Variants in FGD5 observed in about 807,000 individuals in gnomAD.
FGD5 encodes FYVE, RhoGEF and PH domain containing 5, also known as FYVE, RhoGEF and PH domain-containing protein 5.
A neutral mutation model predicts 133.4 loss-of-function variants in FGD5; 28 were observed. That is an observed-to-expected ratio of 0.21 (90% CI 0.16 to 0.29). The LOEUF (loss-of-function observed/expected upper bound fraction) is 0.29. Among genes scored for constraint, FGD5 ranks in the 10% least tolerant of loss-of-function variants. The probability of loss-of-function intolerance (pLI) is 1.00; values close to 1 mark genes in which losing one functional copy is unlikely to be tolerated. For synonymous variants in FGD5, 810 were observed against 776.5 expected, an observed-to-expected ratio of 1.04 and a Z score of -0.72; for missense variants, 1,858 against 1,895.2, an observed-to-expected ratio of 0.98 and a Z score of 0.36.
chr3:14,931,403 G>A (rs565112088), intron 18 of FGD5: 1 of 152,174 alleles, frequency 6.6e-6, no homozygotes, highest in Non-Finnish European at 1.5e-5. Context: ...TGTCCAGGCT[G>A]GACTCAAATT....
chr3:14,854,998 C>T (rs1452592551), intron 1 of FGD5, among the ~76,000 whole-genome samples: 3 of 152,176 alleles, frequency 2.0e-5, no homozygotes, highest in South Asian at 2.1e-4. Flanking sequence ...TTACAGATCT[C>T]TCCCTATCCT....
chr3:14,819,010 C>T lies in FGD5; in HGVS notation c.-62C>T, dbSNP rs1168277338. ...CCAAAGACTACCAGTCCACTGACGC[C>T]AGTGACCGCGCCCAAATTCCCTTCC... is the stretch of plus-strand genomic sequence containing the variant. On this transcript the variant is annotated 5_prime_UTR_variant, in exon 1 of 20. Coordinates refer to ENST00000285046, the MANE Select transcript of FGD5 (RefSeq NM_152536.4). The surrounding 1 kb of genome is among the most constrained non-coding windows in gnomAD (Gnocchi z 4.1). 4 of 1,481,960 alleles carry T rather than the reference C, an allele frequency of 2.7e-6. No individual in the cohort carries two copies. Among genetic ancestry groups the T allele is most frequent in the Non-Finnish European group, 2.7e-6 (3 of 1,114,784 alleles). 91.8% of individuals were successfully genotyped at this position (1,481,960 alleles called of 1,614,324 possible).
chr3:14,858,355 G>GTGGGTGGGTGGA (rs57012067), intron 1 of FGD5, among the ~76,000 whole-genome samples: 10 of 130,982 alleles, frequency 7.6e-5, no homozygotes, highest in Admixed American at 3.2e-4. Context: ...GGGTGGGTGG[G>GTGGGTGGGTGGA]TGGATGGATG....
At chr3:14,926,658 A>G (rs1257637174) in intron 18 of FGD5, among the ~76,000 whole-genome samples, 1 of 152,212 alleles carries the variant, frequency 6.6e-6, no homozygotes, top group African/African-American at 2.4e-5. Flanking sequence ...TGAAATCTAT[A>G]TTTTATAGAA....
chr3:14,842,142 C>T (rs1342925331), intron 1 of FGD5, among the ~76,000 whole-genome samples: 3 of 152,242 alleles, frequency 2.0e-5, no homozygotes, highest in Non-Finnish European at 4.4e-5. Context: ...GGCCCTTCTA[C>T]CATTTCCCTC....
At chr3:14,882,089 T>G (rs1160819048) in intron 4 of FGD5, among the ~76,000 whole-genome samples, 1 of 152,198 alleles carries the variant, frequency 6.6e-6, no homozygotes, top group African/African-American at 2.4e-5. Flanking sequence ...GAAAGCCTTG[T>G]GTGCACTCTT....
intron 1 of FGD5, among the ~76,000 whole-genome samples, chr3:14,833,056 A>G (rs2125078711): frequency 6.6e-6 from 1 of 152,292 alleles, no homozygotes; most frequent in Admixed American, 6.5e-5. Flanking sequence ...CGACGAATTA[A>G]TGTGTTTCAT....
At chr3:14,859,634 C>T (rs1349976897) in intron 1 of FGD5, among the ~76,000 whole-genome samples, 2 of 152,076 alleles carry the variant, frequency 1.3e-5, no homozygotes, top group Non-Finnish European at 2.9e-5. Context: ...AAAGGTTACT[C>T]TTATTTTGAA....
At chr3:14,914,954 T>C (rs2038523342) in intron 11 of FGD5, among the ~76,000 whole-genome samples, 1 of 152,242 alleles carries the variant, frequency 6.6e-6, no homozygotes. Flanking sequence ...AGAACAGGGC[T>C]TCACAAACTA....
At chr3:14,866,666 A>G (rs1162909663) in intron 2 of FGD5, among the ~76,000 whole-genome samples, 1 of 152,254 alleles carries the variant, frequency 6.6e-6, no homozygotes, top group African/African-American at 2.4e-5. Flanking sequence ...GAGAACTAGA[A>G]CAATGCATGC....
At chr3:14,920,958 C>T (rs73031909) in intron 13 of FGD5, among the ~76,000 whole-genome samples, 11,058 of 152,216 alleles carry the variant, frequency 0.073, 1,127 homozygotes, top group African/African-American at 0.23. Flanking sequence ...GGGTGGGGGT[C>T]GTGGCCTCAC....
intron 18 of FGD5, among the ~76,000 whole-genome samples, chr3:14,927,690 G>A (rs12491077): frequency 0.1 from 15,970 of 152,172 alleles, 1,026 homozygotes; most frequent in East Asian, 0.18. Context: ...CAGAGCTGAT[G>A]CAACTTGCTA....
At chr3:14,911,286 C>T (rs1251749524) in intron 11 of FGD5, among the ~76,000 whole-genome samples, 1 of 152,144 alleles carries the variant, frequency 6.6e-6, no homozygotes, top group African/African-American at 2.4e-5. Flanking sequence ...AGGAGCCAAG[C>T]GTTGTGACCC....
chr3:14,823,885 G>A (rs975038913), intron 1 of FGD5, among the ~76,000 whole-genome samples: 1 of 152,282 alleles, frequency 6.6e-6, no homozygotes, highest in South Asian at 2.1e-4. Context: ...CTTTTCATCC[G>A]GACAGTTATG....
intron 17 of FGD5, among the ~76,000 whole-genome samples, chr3:14,924,656 G>A (rs1200915043): frequency 6.6e-6 from 1 of 152,148 alleles, no homozygotes; most frequent in East Asian, 1.9e-4. Flanking sequence ...AATACACAAG[G>A]AGTCCACAAG....
At chr3:14,817,004 T>TGGCTCGTGAGCA (rs2036379067), upstream of FGD5, among the ~76,000 whole-genome samples, 6 of 152,238 alleles carry the variant, frequency 3.9e-5, no homozygotes, top group Admixed American at 2.6e-4. Flanking sequence ...CAGCCGCATG[T>TGGCTCGTGAGCA]GGCTCGTGAG....
intron 2 of FGD5, among the ~76,000 whole-genome samples, chr3:14,871,209 A>G (rs901040469): frequency 2.0e-5 from 3 of 152,216 alleles, no homozygotes; most frequent in Non-Finnish European, 4.4e-5. Context: ...TTTCTTGCCC[A>G]TCGTTTGCCT....
At chr3:14,896,732 A>G (rs2038146846) in intron 4 of FGD5, among the ~76,000 whole-genome samples, 1 of 152,148 alleles carries the variant, frequency 6.6e-6, no homozygotes. Context: ...CAGCTTCCCA[A>G]AGTGCTGGGA....
upstream of FGD5, among the ~76,000 whole-genome samples, chr3:14,816,500 A>G (rs541899097): frequency 6.6e-6 from 1 of 152,282 alleles, no homozygotes; most frequent in East Asian, 1.9e-4. Flanking sequence ...TTTTAAAACA[A>G]TCCATTGAGG....
Sources: allele counts gnomAD v4.1 joint callset (sites outside exome capture counted in the v4.1 genomes callset), GRCh38; gene constraint gnomAD v4.1.1; non-coding constraint Gnocchi (gnomAD v3.1); transcripts MANE v1.5; gene names NCBI Gene and HGNC (gene_info 2026-07-23, HGNC 2026-07-21).